The following TET1 variants were observed in gnomAD, a reference collection of about 807,000 sequenced individuals.
TET1 encodes methylcytosine dioxygenase TET1.
In TET1, 13 loss-of-function variants were observed where a neutral mutation model predicts 148.7. The observed-to-expected ratio is 0.09, with a 90% CI of 0.06 to 0.14. The LOEUF (loss-of-function observed/expected upper bound fraction) is 0.14. Ranked by LOEUF, TET1 falls within the 10% of genes least tolerant of loss-of-function variation. TET1 has a pLI of 1.00. For synonymous variants in TET1, 907 were observed against 937.2 expected, an observed-to-expected ratio of 0.97 and a Z score of 0.59; for missense variants, 2,182 against 2,553.8, an observed-to-expected ratio of 0.85 and a Z score of 3.14.
intron 7 of TET1, among the ~76,000 whole-genome samples, chr10:68,669,474 C>CTTTTTTTTTTTTTTTTTTTTTTTTTTT (rs3085667): frequency 8.1e-5 from 5 of 61,602 alleles, no homozygotes; most frequent in Admixed American, 2.0e-4. Flanking sequence ...CCATGCCCAG[C>CTTTTTTTTTTTTTTTTTTTTTTTTTTT]TTTTTTTTTT....
At position 68,573,725 on chromosome 10, in the gene TET1, C is replaced by A. The variant is rs2053696848; in HGVS notation, c.1387C>A (p.Gln463Lys). 1.2e-6 allele frequency: 2 copies of A among 1,614,036 alleles called. No individual in the cohort carries two copies. The highest frequency in any genetic ancestry group is 1.7e-6 in the Non-Finnish European group (2 of 1,180,026). ...CACTGTCTCATATGGACTTGCAGTC[C>A]AGGGTGCTATACAGATTTTGCCTTT... is the stretch of plus-strand genomic sequence containing the variant. ...QSTVSYGLAVQGAIQILPLGS... is the reference protein window; with the variant it reads ...QSTVSYGLAVKGAIQILPLGS... Residue 463 changes from glutamine to lysine, a missense_variant, in exon 2 of 12, where the codon CAG (glutamine) becomes AAG (lysine). This residue lies in a region of TET1 where 665 missense variants were observed against 672.4 expected (regional missense o/e 0.99). Transcript: ENST00000373644.
chr10:68,586,664 T>A (rs2053866370), intron 2 of TET1, among the ~76,000 whole-genome samples: 1 of 151,806 alleles, frequency 6.6e-6, no homozygotes, highest in Non-Finnish European at 1.5e-5. Flanking sequence ...TTTAACAGAT[T>A]TGAAGGAATG....
chr10:68,625,388 ACAGGAGCC>A (rs2054463136), intron 3 of TET1, among the ~76,000 whole-genome samples: 1 of 152,192 alleles, frequency 6.6e-6, no homozygotes, highest in Admixed American at 6.5e-5. Context: ...GCTTCATCAC[ACAGGAGCC>A]TTGGGGTCTC....
At position 68,645,839 on chromosome 10, in the gene TET1, A is replaced by G. The variant is rs1364937733; in HGVS notation, c.3110A>G (p.Gln1037Arg). ...TLDNCSNDLHQLPPRNNEVEY... is the reference protein window; with the variant it reads ...TLDNCSNDLHRLPPRNNEVEY... ...GACAATTGTTCCAATGATTTGCATC[A>G]GTTGCCACCAAGAAATAATGAAGTG... The change falls in exon 4 of 12, where the codon CAG becomes CGG. Residue 1037 changes from glutamine (Q) to arginine (R), a missense_variant. This residue lies in a region of TET1 where 582 missense variants were observed against 599.5 expected (regional missense o/e 0.97). Coordinates refer to ENST00000373644, the MANE Select transcript of TET1 (RefSeq NM_030625.3). The G allele has an allele frequency of 6.2e-7, 1 of 1,614,200 alleles. No individual in the cohort carries two copies. The highest frequency in any genetic ancestry group is 1.7e-5 in the Admixed American group (1 of 60,018).
At position 68,586,770 on chromosome 10, in the gene TET1, T is replaced by G. The variant is rs145967400; in HGVS notation, c.1914+12518T>G. The stretch of plus-strand genomic sequence containing the variant: ...AACAGTGTGAGAGTGGACCTACTTG[T>G]AACATTGAGATAGTCATACTGCAAA... On this transcript the variant is annotated intron_variant, in intron 2 of 11. Transcript: ENST00000373644. Among the ~76,000 whole-genome samples, 328 of 152,270 alleles carry G rather than the reference T, an allele frequency of 2.2e-3. 3 individuals carry two copies. Among genetic ancestry groups the G allele is most frequent in the African/African-American group, 7.4e-3 (309 of 41,560 alleles).
intron 2 of TET1, among the ~76,000 whole-genome samples, chr10:68,593,188 C>T (rs111337589): frequency 0.033 from 4,591 of 138,440 alleles, 118 homozygotes; most frequent in African/African-American, 0.08. Context: ...GCTGAGATTG[C>T]GCCACTGCAC....
At chr10:68,601,999 GC>G (rs923369166) in intron 3 of TET1, among the ~76,000 whole-genome samples, 22 of 152,078 alleles carry the variant, frequency 1.4e-4, no homozygotes, top group Non-Finnish European at 1.6e-4. Flanking sequence ...TTCATTTGTT[GC>G]CCCAGTGTGT....
Position 68,692,029 on chromosome 10 carries a change from G to T in TET1, c.*215G>T. The T allele has an allele frequency of 3.8e-6, 2 of 522,770 alleles. No individual in the cohort carries two copies. The highest frequency in any genetic ancestry group is 3.3e-6 in the Non-Finnish European group (1 of 307,410). 32.4% of individuals were successfully genotyped at this position (522,770 alleles called of 1,614,324 possible). On this transcript the variant is annotated 3_prime_UTR_variant, in exon 12 of 12. Coordinates refer to ENST00000373644, the MANE Select transcript of TET1 (RefSeq NM_030625.3). The stretch of plus-strand genomic sequence containing the variant: ...GTGCACATTTTAAGCAAAAATAAAA[G>T]TTTTATAGTTTTAAATACATAAAGA...
intron 10 of TET1, 133 bp downstream of exon 10, chr10:68,683,106 A>G (rs1045314772): frequency 3.2e-5 from 33 of 1,027,990 alleles, no homozygotes; most frequent in Admixed American, 1.7e-4. Context: ...AGTGGAAAAT[A>G]AAGTGAAAAA....
At chr10:68,665,134 A>G (rs1428968841) in intron 6 of TET1, among the ~76,000 whole-genome samples, 1 of 152,092 alleles carries the variant, frequency 6.6e-6, no homozygotes, top group Non-Finnish European at 1.5e-5. Flanking sequence ...GCCCACTCCT[A>G]GGTCATGAAG....
chr10:68,632,300 T>C lies in TET1; in HGVS notation c.1969-12398T>C, dbSNP rs545094402. 348 of 1,289,048 alleles carry C rather than the reference T, an allele frequency of 2.7e-4. 3 individuals are homozygous for C. In the South Asian group the frequency reaches 3.8e-3, roughly 14 times the overall value. 79.9% of individuals were successfully genotyped at this position (1,289,048 alleles called of 1,614,324 possible). ...TCCCGCCACTGCACTCCAGCCTGGG[T>C]GACAGAGCCAGATTCCCTTTCAAAA... On this transcript the variant is annotated intron_variant, in intron 3 of 11. Coordinates refer to ENST00000373644, the MANE Select transcript of TET1 (RefSeq NM_030625.3).
intron 3 of TET1, among the ~76,000 whole-genome samples, chr10:68,621,174 G>A (rs1478087282): frequency 6.6e-6 from 1 of 152,198 alleles, no homozygotes; most frequent in Non-Finnish European, 1.5e-5. Context: ...GGTGGCTCAT[G>A]CTTGTAATCC....
At chr10:68,632,268 G>A (rs1174129004) in intron 3 of TET1, 1 of 947,428 alleles carries the variant, frequency 1.1e-6, no homozygotes, top group Non-Finnish European at 1.6e-6. Flanking sequence ...CTTGCAGTGA[G>A]CCGAGATCCC....
At position 68,644,732 on chromosome 10, in the gene TET1, A is replaced by T. The variant is rs748862192; in HGVS notation, c.2003A>T (p.Lys668Met). 1.3e-6 allele frequency: 2 copies of T among 1,584,382 alleles called. No homozygotes were observed. Among genetic ancestry groups the T allele is most frequent in the Non-Finnish European group, 8.6e-7 (1 of 1,168,286 alleles). Residue 668 changes from lysine (K) to methionine (M), a missense_variant, in exon 4 of 12, where the codon AAG (lysine) becomes ATG (methionine). Lys to Met is a moderately conservative substitution (Grantham distance 95). Transcript: ENST00000373644. ...GACAACAAACCAGTAAATGGCCCCA[A>T]GTCAGAATCCATGGACTACAGTAGA... ...DFDNKPVNGP[K>M]SESMDYSRCG...
chr10:68,595,312 C>A (rs1448023644), intron 2 of TET1, among the ~76,000 whole-genome samples: 3 of 152,020 alleles, frequency 2.0e-5, no homozygotes, highest in Non-Finnish European at 4.4e-5. Flanking sequence ...TTAGTTATCA[C>A]TGCAAAATTG....
In TET1 at chr10:68,691,574, C is replaced by T. The variant is rs760210620; in HGVS notation, c.6171C>T (p.Pro2057=). 6 of 1,614,092 alleles carry T rather than the reference C, an allele frequency of 3.7e-6. No individual in the cohort carries two copies. The highest frequency in any genetic ancestry group is 5.1e-6 in the Non-Finnish European group (6 of 1,180,030). ...VFYQHKNLNK[P]QHGFELNKIK... ...ACCAGCACAAAAACCTAAATAAGCC[C>T]CAACATGGTTTTGAACTAAACAAGA... is the stretch of plus-strand genomic sequence containing the variant. The change falls in exon 12 of 12, where the codon CCC becomes CCT. Residue 2057 remains proline, a synonymous_variant. Coordinates refer to ENST00000373644, the MANE Select transcript of TET1 (RefSeq NM_030625.3). This position sits in a 1 kb window ranked among gnomAD's most constrained non-coding sequence, Gnocchi z 4.4.
At chr10:68,580,916 G>A (rs371454266) in intron 2 of TET1, among the ~76,000 whole-genome samples, 1 of 151,822 alleles carries the variant, frequency 6.6e-6, no homozygotes, top group South Asian at 2.1e-4. Context: ...GCTGCAGTGA[G>A]CTGTGATCTC....
chr10:68,669,349 C>T (rs1316547625), intron 7 of TET1, among the ~76,000 whole-genome samples: 2 of 151,792 alleles, frequency 1.3e-5, no homozygotes, highest in Admixed American at 6.6e-5. Context: ...CTCACTCTGT[C>T]GCCCAGGTTG....
At chr10:68,574,547 G>C (rs2053706727) in intron 2 of TET1, among the ~76,000 whole-genome samples, 1 of 152,130 alleles carries the variant, frequency 6.6e-6, no homozygotes, top group Admixed American at 6.6e-5. Context: ...TAGAGAAATT[G>C]TATGAAATGT....
Sources: gnomAD v4.1 joint callset for allele counts (sites outside exome capture counted in the v4.1 genomes callset) on GRCh38, gnomAD v4.1.1 for gene constraint, gnomAD v4.1.1 regional missense constraint, Gnocchi (gnomAD v3.1) non-coding constraint, MANE v1.5 for transcripts, NCBI Gene and HGNC (gene_info 2026-07-23, HGNC 2026-07-21) for gene names.